LMX1A: variants seen among roughly 807,000 people sequenced by gnomAD.
The protein encoded by LMX1A is LIM homeobox transcription factor 1-alpha.
LMX1A carries 15 observed loss-of-function variants against 49.1 expected under a neutral mutation model. The observed-to-expected ratio is 0.31, with a 90% confidence interval of 0.20 to 0.47. The LOEUF (loss-of-function observed/expected upper bound fraction) is 0.47. Among genes scored for constraint, LMX1A ranks in the 20% least tolerant of loss-of-function variants. The pLI, the probability that LMX1A is intolerant of heterozygous loss-of-function variation, is 1.00. For missense variants in LMX1A, 372 were observed against 475.8 expected, an observed-to-expected ratio of 0.78 and a Z score of 2.03; for synonymous variants, 167 against 185.7, an observed-to-expected ratio of 0.90 and a Z score of 0.82.
At chr1:165,316,782 TGAG>T (rs962349218) in intron 3 of LMX1A, among the ~76,000 whole-genome samples, 3 of 152,018 alleles carry the variant, frequency 2.0e-5, no homozygotes, top group African/African-American at 7.3e-5. Flanking sequence ...AAATGGCAGA[TGAG>T]GAGGAGTTGG....
chr1:165,350,463 T>C (rs916292337), intron 3 of LMX1A, among the ~76,000 whole-genome samples: 3 of 152,120 alleles, frequency 2.0e-5, no homozygotes, highest in African/African-American at 7.2e-5. Flanking sequence ...CATTGTCCTC[T>C]CCTCATCTAG....
At chr1:165,206,155 C>T (rs1651070456) in intron 7 of LMX1A, 121 bp from the exon 8 acceptor site, 2 of 886,964 alleles carry the variant, frequency 2.3e-6, no homozygotes, top group African/African-American at 1.7e-5. Flanking sequence ...TGGTCCCAGC[C>T]TTTGTCCTAC....
At chr1:165,289,324 C>T (rs561378014) in intron 3 of LMX1A, among the ~76,000 whole-genome samples, 3 of 151,894 alleles carry the variant, frequency 2.0e-5, no homozygotes, top group Middle Eastern at 3.4e-3. Flanking sequence ...CTAGTTATCC[C>T]AAAGGGAGAT....
At chr1:165,248,771 C>T (rs1465523897) in intron 4 of LMX1A, among the ~76,000 whole-genome samples, 3 of 152,188 alleles carry the variant, frequency 2.0e-5, no homozygotes, top group Admixed American at 2.0e-4. Context: ...ATTATTGGTT[C>T]CAATCCATCA....
At chr1:165,307,426 A>C (rs1654949641) in intron 3 of LMX1A, among the ~76,000 whole-genome samples, 1 of 152,242 alleles carries the variant, frequency 6.6e-6, no homozygotes, top group Admixed American at 6.5e-5. Context: ...ATAGGTAGAA[A>C]AAAATGAGCT....
intron 3 of LMX1A, among the ~76,000 whole-genome samples, chr1:165,345,091 G>A (rs1222967620): frequency 2.0e-5 from 3 of 152,250 alleles, no homozygotes; most frequent in East Asian, 1.9e-4. Context: ...GGTTTGGGGG[G>A]ATAGTCCCCA....
At chr1:165,343,382 T>G (rs1427768667) in intron 3 of LMX1A, among the ~76,000 whole-genome samples, 2 of 150,818 alleles carry the variant, frequency 1.3e-5, no homozygotes, top group African/African-American at 4.9e-5. Flanking sequence ...TGTATAAGCT[T>G]TTACTCATAT....
At chr1:165,354,734 TAAATAAAATA>T (rs145908114) in intron 2 of LMX1A, among the ~76,000 whole-genome samples, 11 of 151,962 alleles carry the variant, frequency 7.2e-5, no homozygotes, top group Admixed American at 3.9e-4. Context: ...TAAAAATAAA[TAAATAAAATA>T]AAATAAAATA....
intron 3 of LMX1A, among the ~76,000 whole-genome samples, chr1:165,323,536 A>T (rs1438704115): frequency 6.6e-6 from 1 of 152,244 alleles, no homozygotes; most frequent in Non-Finnish European, 1.5e-5. Context: ...AAATAAAGAC[A>T]CTACCATAAC....
chr1:165,268,802 T>G (rs1002249596), intron 3 of LMX1A, among the ~76,000 whole-genome samples: 2 of 152,238 alleles, frequency 1.3e-5, no homozygotes, highest in African/African-American at 4.8e-5. Context: ...TGTAAAATAG[T>G]ACACAGTTAT....
intron 3 of LMX1A, among the ~76,000 whole-genome samples, chr1:165,295,291 T>C (rs547910564): frequency 6.6e-6 from 1 of 151,914 alleles, no homozygotes; most frequent in South Asian, 2.1e-4. Flanking sequence ...GGAGGCTAAC[T>C]ACCAAAACAT....
chr1:165,282,231 T>A (rs745446448), intron 3 of LMX1A, among the ~76,000 whole-genome samples: 2 of 152,194 alleles, frequency 1.3e-5, no homozygotes, highest in African/African-American at 2.4e-5. Flanking sequence ...AATTCCAAAC[T>A]CATGCTATCC....
chr1:165,337,233 A>G (rs2101758444), intron 3 of LMX1A, among the ~76,000 whole-genome samples: 1 of 152,354 alleles, frequency 6.6e-6, no homozygotes. Context: ...TTAAGGCCAC[A>G]ATTCTAAATC....
chr1:165,355,657 GGA>G lies in LMX1A; in HGVS notation c.-22-78_-22-77del. ...GGCGCCAGCAGCCACCGCACTCCTG[GGA>G]AAGAACTGAGGGAGTGTCCAGGGCG... On this transcript the variant is annotated intron_variant, in intron 1 of 8. Coordinates refer to ENST00000342310, the MANE Select transcript of LMX1A (RefSeq NM_177398.4). This position sits in a 1 kb window ranked among gnomAD's most constrained non-coding sequence, Gnocchi z 4.7. 1 of 1,112,032 alleles carries G rather than the reference GGA, an allele frequency of 9.0e-7. No homozygotes were observed. The highest frequency in any genetic ancestry group is 1.3e-6 in the Non-Finnish European group (1 of 748,822). The allele number at this position is 1,112,032 out of a possible 1,614,324, so 68.9% of individuals were successfully genotyped here.
At chr1:165,296,235 CT>C (rs1654611413) in intron 3 of LMX1A, among the ~76,000 whole-genome samples, 1 of 152,196 alleles carries the variant, frequency 6.6e-6, no homozygotes, top group Non-Finnish European at 1.5e-5. Context: ...CAAAATCTTC[CT>C]GCAAAAGAAG....
intron 3 of LMX1A, among the ~76,000 whole-genome samples, chr1:165,252,358 T>C (rs974811326): frequency 3.9e-5 from 6 of 152,220 alleles, no homozygotes; most frequent in African/African-American, 2.4e-5. Flanking sequence ...AGAGAAATCA[T>C]AGTTCAGGGC....
chr1:165,267,659 G>A (rs542734559), intron 3 of LMX1A, among the ~76,000 whole-genome samples: 1 of 152,312 alleles, frequency 6.6e-6, no homozygotes, highest in African/African-American at 2.4e-5. Flanking sequence ...GGTAAGAGAT[G>A]ACAGAGACTG....
At chr1:165,312,469 G>A (rs1436085248) in intron 3 of LMX1A, among the ~76,000 whole-genome samples, 1 of 151,854 alleles carries the variant, frequency 6.6e-6, no homozygotes, top group African/African-American at 2.4e-5. Flanking sequence ...CCCTCCATGA[G>A]TCTAGCTGGG....
chr1:165,204,929 G>C (rs1430846084), intron 8 of LMX1A, among the ~76,000 whole-genome samples: 1 of 152,152 alleles, frequency 6.6e-6, no homozygotes, highest in Non-Finnish European at 1.5e-5. Flanking sequence ...GGCTTGTCAA[G>C]GGCCAAATCT....
Sources: gnomAD v4.1 joint callset for allele counts (sites outside exome capture counted in the v4.1 genomes callset) on GRCh38, gnomAD v4.1.1 for gene constraint, Gnocchi (gnomAD v3.1) non-coding constraint, MANE v1.5 for transcripts, NCBI Gene and HGNC (gene_info 2026-07-23, HGNC 2026-07-21) for gene names.